Variants in ZNF483 observed in about 807,000 individuals in gnomAD.
ZNF483 encodes the protein zinc finger protein 483, also known as zinc finger protein HIT-10.
ZNF483 carries 9 observed loss-of-function variants against 28.6 expected under a neutral mutation model. The observed-to-expected ratio is 0.32, with a 90% confidence interval of 0.19 to 0.55. ZNF483 has a LOEUF of 0.55. Ranked by LOEUF, ZNF483 falls within the 20% of genes least tolerant of loss-of-function variation. The pLI, the probability that ZNF483 is intolerant of heterozygous loss-of-function variation, is 0.93. For synonymous variants in ZNF483, 322 were observed against 306.2 expected (o/e 1.05, Z -0.54); for missense variants, 675 against 871.7 (o/e 0.77, Z 2.84).
rs1042249069 is a variant in ZNF483 at position 111,548,351 on chromosome 9, A to G, written c.*5181A>G. 6.6e-6 allele frequency among the ~76,000 whole-genome samples: 1 copy of G among 152,150 alleles called. No individual in the cohort carries two copies. Among genetic ancestry groups the G allele is most frequent in the Non-Finnish European group, 1.5e-5 (1 of 68,016 alleles). ...AATGTGTTACAGTTGTCATTGTACAAGTCTTTTGCCTCCTTGGTCAAGTTT... is the reference window on the plus strand; with the variant it reads ...AATGTGTTACAGTTGTCATTGTACAGGTCTTTTGCCTCCTTGGTCAAGTTT... On this transcript the variant is annotated 3_prime_UTR_variant, in exon 6 of 6. Transcript: ENST00000309235.
Position 111,530,124 on chromosome 9 carries a change from C to A in ZNF483, c.413-751C>A, listed in dbSNP as rs545790248. On this transcript the variant is annotated intron_variant, in intron 2 of 5. Transcript: ENST00000309235. ...AGGGTTGGAACTCAGCTCCACCCCCCAACCTGTCAAAGGGGAGAGGGACTG... is the reference window on the plus strand; with the variant it reads ...AGGGTTGGAACTCAGCTCCACCCCCAAACCTGTCAAAGGGGAGAGGGACTG... 3.6e-4 allele frequency among the ~76,000 whole-genome samples: 55 copies of A among 152,276 alleles called. No individual in the cohort carries two copies. The South Asian group carries it at 9.7e-3, about 27-fold the overall frequency.
intron 5 of ZNF483, chr9:111,539,593 A>G: frequency 2.7e-6 from 1 of 366,084 alleles, no homozygotes; most frequent in South Asian, 2.1e-5. Flanking sequence ...GAGAAGCCCC[A>G]TCTCTACTAA....
At position 111,549,150 on chromosome 9, in the gene ZNF483, T is replaced by C. The variant is rs1375569480; in HGVS notation, c.*5980T>C. On this transcript the variant is annotated 3_prime_UTR_variant, in exon 6 of 6. Transcript: ENST00000309235. ...AGAGAGTCACTGAGTCACTGGAGGT[T>C]CTCTGTGTGTGTGAGTGTATAAATA... Among the ~76,000 whole-genome samples, 5 of 152,226 alleles carry C rather than the reference T, an allele frequency of 3.3e-5. No homozygotes were observed. Among genetic ancestry groups the C allele is most frequent in the Non-Finnish European group, 5.9e-5 (4 of 68,030 alleles).
At chr9:111,565,952 G>A (rs544270396) in intron 5 of ZNF483, among the ~76,000 whole-genome samples, 10 of 152,222 alleles carry the variant, frequency 6.6e-5, no homozygotes, top group Admixed American at 1.3e-4. Flanking sequence ...TGGCTCACAC[G>A]TATAATTCGA....
Position 111,566,451 on chromosome 9 carries a change from A to G in ZNF483, c.722-9914A>G, listed in dbSNP as rs891156848. 1.7e-4 allele frequency among the ~76,000 whole-genome samples: 26 copies of G among 152,336 alleles called. 1 individual carries two copies. Among genetic ancestry groups the G allele is most frequent in the Admixed American group, 3.9e-4 (6 of 15,306 alleles). On this transcript the variant is annotated intron_variant, in intron 5 of 5. Coordinates refer to the ZNF483 transcript ENST00000358151. The stretch of plus-strand genomic sequence containing the variant: ...CCAGTGGCTGCTGGAGGAGCAATCT[A>G]TTCTTTGGAATTGGGAAATGATCAT...
At chr9:111,526,565 C>G (rs1827190607) in intron 1 of ZNF483, among the ~76,000 whole-genome samples, 1 of 151,902 alleles carries the variant, frequency 6.6e-6, no homozygotes, top group African/African-American at 2.4e-5. Flanking sequence ...CAGAACTTGG[C>G]GATTGATGGG....
intron 5 of ZNF483, among the ~76,000 whole-genome samples, chr9:111,567,705 G>A (rs1398815488): frequency 5.3e-5 from 8 of 152,110 alleles, no homozygotes; most frequent in African/African-American, 7.2e-5. Flanking sequence ...TCATAAGAAC[G>A]GCAGGATTTG....
At chr9:111,534,993 G>T (rs1225066231) in intron 5 of ZNF483, among the ~76,000 whole-genome samples, 1 of 152,156 alleles carries the variant, frequency 6.6e-6, no homozygotes, top group Non-Finnish European at 1.5e-5. Flanking sequence ...AAAGTGCTGG[G>T]ATTACAGGTA....
intron 5 of ZNF483, chr9:111,562,847 T>C: frequency 2.4e-6 from 2 of 838,820 alleles, no homozygotes; most frequent in Non-Finnish European, 3.2e-6. Context: ...AAACATACAG[T>C]GTTTGGAAAA....
intron 5 of ZNF483, among the ~76,000 whole-genome samples, chr9:111,564,617 T>A (rs1344486271): frequency 6.6e-6 from 1 of 151,968 alleles, no homozygotes; most frequent in African/African-American, 2.4e-5. Flanking sequence ...AGATTTGAAC[T>A]TTTGACTTGA....
rs778064466 is a variant in ZNF483, at chr9:111,551,610, C to A, written c.*8440C>A. Among the ~76,000 whole-genome samples, 12 of 151,880 alleles carry A rather than the reference C, an allele frequency of 7.9e-5. No individual in the cohort carries two copies. The highest frequency in any genetic ancestry group is 1.2e-4 in the African/African-American group (5 of 41,346). On this transcript the variant is annotated 3_prime_UTR_variant, in exon 6 of 6. Transcript: ENST00000309235. Reference sequence around the variant, plus strand: ...AGAGGCGGGGTTTCACTGTGTTGCCCAGGCTGTTCTCCAACTCCTAAGCCC... The same window carrying A: ...AGAGGCGGGGTTTCACTGTGTTGCCAAGGCTGTTCTCCAACTCCTAAGCCC...
intron 5 of ZNF483, among the ~76,000 whole-genome samples, chr9:111,566,389 G>A (rs979599550): frequency 4.6e-5 from 7 of 152,170 alleles, no homozygotes; most frequent in African/African-American, 1.2e-4. Flanking sequence ...AGCCCAGCCC[G>A]GCACTGCAAG....
chr9:111,577,718 C>T (rs1829121673), exon 6 of ZNF483: 1 of 152,086 alleles, frequency 6.6e-6, no homozygotes, highest in East Asian at 1.9e-4. Context: ...GGTGGCACAT[C>T]CCTATAGTCC....
At chr9:111,532,084 G>C (rs1349269204) in intron 3 of ZNF483, among the ~76,000 whole-genome samples, 1 of 152,196 alleles carries the variant, frequency 6.6e-6, no homozygotes, top group African/African-American at 2.4e-5. Flanking sequence ...CGGGGTGGGA[G>C]GATTGCTTGA....
chr9:111,549,639 TG>T lies in ZNF483; in HGVS notation c.*6471del. ...TGTAGCTCTTCTGGGGCAGCGGTCG[TG>T]GTGGTGGTGGCAGCGGCAGCAGGGT... is the stretch of plus-strand genomic sequence containing the variant. On this transcript the variant is annotated 3_prime_UTR_variant, in exon 6 of 6. Transcript: ENST00000309235. 1 of 1,166,548 alleles carries T rather than the reference TG, an allele frequency of 8.6e-7. No homozygotes were observed. The highest frequency in any genetic ancestry group is 1.2e-6 in the Non-Finnish European group (1 of 823,092). The allele number at this position is 1,166,548 out of a possible 1,614,324, so 72.3% of individuals were successfully genotyped here.
rs890690255 is a variant in ZNF483, at chr9:111,554,612, C to T, written c.*11442C>T. On this transcript the variant is annotated 3_prime_UTR_variant, in exon 6 of 6. Transcript: ENST00000309235. ...AGAAGGCTACTAAGTGACTAACAGA[C>T]AGGTAGTGTAGATGACATGGATATG... Among the ~76,000 whole-genome samples the T allele has an allele frequency of 1.3e-5, 2 of 152,128 alleles. No individual in the cohort carries two copies. The highest frequency in any genetic ancestry group is 2.9e-5 in the Non-Finnish European group (2 of 68,022).
chr9:111,555,885 T>C (rs957359029), downstream of ZNF483, among the ~76,000 whole-genome samples: 16 of 152,180 alleles, frequency 1.1e-4, no homozygotes, highest in Non-Finnish European at 1.5e-4. Flanking sequence ...TCTCATGTCC[T>C]TTCTCACATT....
chr9:111,571,075 C>G (rs984711263), intron 5 of ZNF483, among the ~76,000 whole-genome samples: 11 of 132,836 alleles, frequency 8.3e-5, no homozygotes, highest in African/African-American at 2.7e-4. Context: ...AGAAGGAATG[C>G]AGCCCTGCCA....
chr9:111,525,558 C>T (rs1203932323), intron 1 of ZNF483, among the ~76,000 whole-genome samples: 1 of 152,162 alleles, frequency 6.6e-6, no homozygotes, highest in Non-Finnish European at 1.5e-5. Flanking sequence ...TTAACAGCGT[C>T]ACTGGTTCTG....
Sources: gnomAD v4.1 joint callset for allele counts (sites outside exome capture counted in the v4.1 genomes callset) on GRCh38, gnomAD v4.1.1 for gene constraint, MANE v1.5 for transcripts, NCBI Gene and HGNC (gene_info 2026-07-23, HGNC 2026-07-21) for gene names.